The following CTNNA1 variants were observed in gnomAD, a reference collection of about 807,000 sequenced individuals.
The protein encoded by CTNNA1 is catenin alpha-1.
CTNNA1 carries 37 observed loss-of-function variants against 98.4 expected under a neutral mutation model. That is an observed-to-expected ratio of 0.38 (90% confidence interval 0.29 to 0.49). The LOEUF (loss-of-function observed/expected upper bound fraction) is 0.49, where lower values mean the gene tolerates loss of function less well. Ranked by LOEUF, CTNNA1 falls within the 20% of genes least tolerant of loss-of-function variation. CTNNA1 has a pLI of 0.95. For missense variants in CTNNA1, 761 were observed against 1,147.2 expected, an observed-to-expected ratio of 0.66 and a Z score of 4.86; for synonymous variants, 404 against 413.2, an observed-to-expected ratio of 0.98 and a Z score of 0.27.
intron 7 of CTNNA1, among the ~76,000 whole-genome samples, chr5:138,867,932 A>G (rs1378353069): frequency 6.6e-6 from 1 of 151,818 alleles, no homozygotes; most frequent in African/African-American, 2.4e-5. Context: ...TTGTGTTTTT[A>G]GTAGAGACAG....
At chr5:138,786,406 A>C (rs899445888) in intron 3 of CTNNA1, among the ~76,000 whole-genome samples, 3 of 152,176 alleles carry the variant, frequency 2.0e-5, no homozygotes, top group Admixed American at 2.0e-4. Context: ...CTTGTTGGCT[A>C]TGTCGTTGAA....
At chr5:138,806,424 C>T (rs1469564885) in intron 3 of CTNNA1, among the ~76,000 whole-genome samples, 2 of 151,898 alleles carry the variant, frequency 1.3e-5, no homozygotes, top group Non-Finnish European at 1.5e-5. Flanking sequence ...TTCTCCCGCT[C>T]AGAAAGGCCC....
chr5:138,916,190 A>AAAAAAAAAG (rs1761719643), intron 10 of CTNNA1, among the ~76,000 whole-genome samples: 1 of 151,684 alleles, frequency 6.6e-6, no homozygotes, highest in African/African-American at 2.4e-5. Context: ...AAAAAAAAAA[A>AAAAAAAAAG]AGAAGGGGCT....
chr5:138,856,621 C>T (rs183782159), intron 7 of CTNNA1, among the ~76,000 whole-genome samples: 1 of 152,282 alleles, frequency 6.6e-6, no homozygotes, highest in African/African-American at 2.4e-5. Flanking sequence ...GTATTACAGA[C>T]AGGAGCCACT....
At position 138,931,347 on chromosome 5, in the gene CTNNA1, C is replaced by G. The variant is rs920704524; in HGVS notation, c.2298+412C>G. On this transcript the variant is annotated intron_variant, in intron 16 of 17. Transcript: ENST00000302763. ...CCTCACACTGATAGGTACAAAAATA[C>G]GGTTCCTACCGCCTGGAAATTGTAC... is the stretch of plus-strand genomic sequence containing the variant. Among the ~76,000 whole-genome samples, 3 of 152,312 alleles carry G rather than the reference C, an allele frequency of 2.0e-5. No homozygotes were observed. The East Asian group carries it at 5.8e-4, about 29-fold the overall frequency.
intron 7 of CTNNA1, among the ~76,000 whole-genome samples, chr5:138,846,231 C>T (rs1762717998): frequency 6.6e-6 from 1 of 152,134 alleles, no homozygotes; most frequent in Admixed American, 6.5e-5. Flanking sequence ...GGATTACAGG[C>T]GCGAGCCACT....
intron 1 of CTNNA1, among the ~76,000 whole-genome samples, chr5:138,775,205 T>C (rs1753974398): frequency 6.6e-6 from 1 of 152,212 alleles, no homozygotes; most frequent in Non-Finnish European, 1.5e-5. Context: ...TCTGGAATGC[T>C]AGGATATGTA....
chr5:138,828,237 T>C (rs1267339886), intron 7 of CTNNA1: 1 of 157,344 alleles, frequency 6.4e-6, no homozygotes, highest in South Asian at 1.9e-4. Context: ...TGTGAAAGTT[T>C]TTTCGTGAAC....
intron 5 of CTNNA1, among the ~76,000 whole-genome samples, chr5:138,818,033 A>G (rs1649472568): frequency 1.3e-5 from 2 of 151,438 alleles, no homozygotes; most frequent in Non-Finnish European, 2.9e-5. Flanking sequence ...CGCCCCCACA[A>G]CCAAGTAGCT....
chr5:138,756,918 G>A (rs1030558421), intron 1 of CTNNA1, among the ~76,000 whole-genome samples: 1 of 152,082 alleles, frequency 6.6e-6, no homozygotes, highest in African/African-American at 2.4e-5. Context: ...ATGGATTGGG[G>A]CTGGACAGGG....
rs548624174 is a variant in CTNNA1 at position 138,874,988 on chromosome 5, A to G, written c.1063-11224A>G. 6.7e-7 allele frequency: 1 copy of G among 1,491,572 alleles called. No individual in the cohort carries two copies. The allele number at this position is 1,491,572 out of a possible 1,614,324, so 92.4% of individuals were successfully genotyped here. A position where few individuals can be genotyped will look rare whatever the true frequency, so the allele number is the denominator to read the frequency against. Reference sequence around the variant, plus strand: ...CAGTGAGTCTGTAAAAGGCTCTAACATGTAGGAGCCTTTGACCAGTTTCCT... The same window carrying G: ...CAGTGAGTCTGTAAAAGGCTCTAACGTGTAGGAGCCTTTGACCAGTTTCCT... On this transcript the variant is annotated intron_variant, in intron 7 of 17. Transcript: ENST00000302763. This position sits in a 1 kb window ranked among gnomAD's most constrained non-coding sequence, Gnocchi z 4.1.
chr5:138,885,600 G>A (rs1753856665), intron 7 of CTNNA1, among the ~76,000 whole-genome samples: 1 of 152,164 alleles, frequency 6.6e-6, no homozygotes, highest in Non-Finnish European at 1.5e-5. Context: ...CTTCAAGAGT[G>A]ACTAGCGGGT....
At chr5:138,882,753 C>T (rs911478162) in intron 7 of CTNNA1, among the ~76,000 whole-genome samples, 7 of 152,166 alleles carry the variant, frequency 4.6e-5, no homozygotes, top group Non-Finnish European at 8.8e-5. Flanking sequence ...GTTTGAGTAA[C>T]GTAATTTTTG....
chr5:138,836,757 C>T (rs547537989), intron 7 of CTNNA1, among the ~76,000 whole-genome samples: 9 of 152,236 alleles, frequency 5.9e-5, no homozygotes, highest in African/African-American at 1.7e-4. Context: ...TGCTGTTTAG[C>T]CATCAAGCAG....
Position 138,887,385 on chromosome 5 carries a change from C to G in CTNNA1, c.1144-105C>G, listed in dbSNP as rs1441150015. ...GGGTCCTCATGTAAGTGCAGCAAGT[C>G]TACCGTAAGCTTCATTAGATTTAAG... On this transcript the variant is annotated intron_variant, in intron 8 of 17. Transcript: ENST00000302763. 6.4e-6 allele frequency: 5 copies of G among 781,992 alleles called. No homozygotes were observed. The South Asian group carries it at 1.0e-4, about 16-fold the overall frequency. The allele number at this position is 781,992 out of a possible 1,614,324, so 48.4% of individuals were successfully genotyped here. A position where few individuals can be genotyped will look rare whatever the true frequency, so the allele number is the denominator to read the frequency against.
At position 138,932,289 on chromosome 5, in the gene CTNNA1, G is replaced by A. The variant is rs74471355; in HGVS notation, c.2299-289G>A. On this transcript the variant is annotated intron_variant, in intron 16 of 17. Transcript: ENST00000302763. ...GATCCTTGGCCAGGGTGGTTTCCCC[G>A]CCGTCATAGGAGGGAAGTCAGTGGG... The A allele has an allele frequency of 2.1e-3, 2,479 of 1,162,796 alleles. 43 individuals are homozygous for A. In the African/African-American group the frequency reaches 0.036, roughly 17 times the overall value. 72.0% of individuals were successfully genotyped at this position (1,162,796 alleles called of 1,614,324 possible). A position where few individuals can be genotyped will look rare whatever the true frequency, so the allele number is the denominator to read the frequency against.
rs771412033 is a variant in CTNNA1 at position 138,874,886 on chromosome 5, A to T, written c.1063-11326A>T. The T allele has an allele frequency of 6.2e-7, 1 of 1,608,294 alleles. No homozygotes were observed. Among genetic ancestry groups the T allele is most frequent in the Admixed American group, 1.7e-5 (1 of 59,360 alleles). On this transcript the variant is annotated intron_variant, in intron 7 of 17. Coordinates refer to ENST00000302763, the MANE Select transcript of CTNNA1 (RefSeq NM_001903.5). The surrounding 1 kb of genome is among the most constrained non-coding windows in gnomAD (Gnocchi z 4.1). The stretch of plus-strand genomic sequence containing the variant: ...CGTGATTCCTTGTTGAATGTACAAG[A>T]CATATAAATGCACAGACTTACCCAT...
At chr5:138,832,252 T>C (rs1761344168) in intron 7 of CTNNA1, among the ~76,000 whole-genome samples, 1 of 152,216 alleles carries the variant, frequency 6.6e-6, no homozygotes, top group South Asian at 2.1e-4. Context: ...TAACTTACTA[T>C]ACGGACTCTA....
chr5:138,861,470 A>T (rs73263460), intron 7 of CTNNA1, among the ~76,000 whole-genome samples: 1,976 of 152,294 alleles, frequency 0.013, 49 homozygotes, highest in African/African-American at 0.04. Context: ...CTTGTGGCCA[A>T]TTCTATGGAA....
Sources: allele counts gnomAD v4.1 joint callset (sites outside exome capture counted in the v4.1 genomes callset), GRCh38; gene constraint gnomAD v4.1.1; non-coding constraint Gnocchi (gnomAD v3.1); transcripts MANE v1.5; gene names NCBI Gene and HGNC (gene_info 2026-07-23, HGNC 2026-07-21).